FLRT2: variants seen among roughly 807,000 people sequenced by gnomAD.
FLRT2 encodes the protein fibronectin leucine rich transmembrane protein 2.
FLRT2 carries 15 observed loss-of-function variants against 40.0 expected under a neutral mutation model. The ratio of observed to expected loss-of-function variants is 0.38; its 90% CI spans 0.25 to 0.58. The LOEUF is 0.58. FLRT2 is among the 20% of genes least tolerant of loss of function. The pLI is 0.71. For synonymous variants in FLRT2, 380 were observed against 336.8 expected (o/e 1.13, Z -1.41); for missense variants, 726 against 840.0 (o/e 0.86, Z 1.68).
At position 85,638,067 on chromosome 14, in the gene FLRT2, T is replaced by G. The variant is rs1035750706; in HGVS notation, c.*14570T>G. 6.6e-6 allele frequency: 1 copy of G among 152,162 alleles called. No individual in the cohort carries two copies. Among genetic ancestry groups the G allele is most frequent in the African/African-American group, 2.4e-5 (1 of 41,424 alleles). 9.4% of individuals were successfully genotyped at this position (152,162 alleles called of 1,614,324 possible). ...GTTTAGTAACCATTATGATGGAAGC[T>G]GGGACTAGGTGACTTATTCTAAATG... On this transcript the variant is annotated 3_prime_UTR_variant, in exon 2 of 2. Transcript: ENST00000330753.
chr14:85,653,373 C>G lies in FLRT2; in HGVS notation c.*29876C>G, dbSNP rs140004029. On this transcript the variant is annotated 3_prime_UTR_variant, in exon 2 of 2. Coordinates refer to ENST00000330753, the MANE Select transcript of FLRT2 (RefSeq NM_013231.6). Reference sequence around the variant, plus strand: ...ATTTGGCTAGTCACACCTGGGTGACCAATATCCGGAGGCTCTACGTCAAGT... The same window carrying G: ...ATTTGGCTAGTCACACCTGGGTGACGAATATCCGGAGGCTCTACGTCAAGT... 6.6e-6 allele frequency: 1 copy of G among 152,046 alleles called. No individual in the cohort carries two copies. The highest frequency in any genetic ancestry group is 1.5e-5 in the Non-Finnish European group (1 of 68,022). 9.4% of individuals were successfully genotyped at this position (152,046 alleles called of 1,614,324 possible). A position where few individuals can be genotyped will look rare whatever the true frequency, so the allele number is the denominator to read the frequency against.
At chr14:85,584,190 C>T (rs936277456) in intron 1 of FLRT2, among the ~76,000 whole-genome samples, 1 of 152,140 alleles carries the variant, frequency 6.6e-6, no homozygotes, top group East Asian at 1.9e-4. Context: ...ACTAGGGCTC[C>T]TTAGCTACTT....
chr14:85,586,919 G>A (rs1026393026), intron 1 of FLRT2, among the ~76,000 whole-genome samples: 3 of 152,206 alleles, frequency 2.0e-5, no homozygotes, highest in Admixed American at 1.3e-4. Context: ...AGGTTGACGT[G>A]GAAAGATAAG....
intron 1 of FLRT2, among the ~76,000 whole-genome samples, chr14:85,540,915 TA>T (rs1888949652): frequency 6.6e-6 from 1 of 152,164 alleles, no homozygotes; most frequent in South Asian, 2.1e-4. Flanking sequence ...GGTCTACTAA[TA>T]AAATGAGAAT....
chr14:85,574,381 C>A (rs1274044249), intron 1 of FLRT2, among the ~76,000 whole-genome samples: 5 of 151,988 alleles, frequency 3.3e-5, no homozygotes, highest in African/African-American at 7.2e-5. Flanking sequence ...ATATTCGAAT[C>A]TTGTTTTATC....
intron 1 of FLRT2, among the ~76,000 whole-genome samples, chr14:85,583,275 G>C (rs547699416): frequency 1.3e-5 from 2 of 152,106 alleles, no homozygotes; most frequent in Admixed American, 6.6e-5. Flanking sequence ...GTAATACTTA[G>C]AGAAATAAAG....
Position 85,622,403 on chromosome 14 carries a change from G to A in FLRT2, c.889G>A (p.Asp297Asn). ...QLRMLTQGVFDNLSNLKQLTA... is the reference protein window; with the variant it reads ...QLRMLTQGVFNNLSNLKQLTA... ...GCGGATGCTGACTCAAGGGGTTTTTGATAATCTCTCCAACCTGAAGCAGCT... is the reference window on the plus strand; with the variant it reads ...GCGGATGCTGACTCAAGGGGTTTTTAATAATCTCTCCAACCTGAAGCAGCT... The change falls in exon 2 of 2, where the codon GAT becomes AAT. Residue 297 changes from aspartate (D) to asparagine (N), a missense_variant. Physicochemically the swap from Asp to Asn is conservative, Grantham distance 23 (BLOSUM62 1). Coordinates refer to ENST00000330753, the MANE Select transcript of FLRT2 (RefSeq NM_013231.6). 1 of 1,614,076 alleles carries A rather than the reference G, an allele frequency of 6.2e-7. No homozygotes were observed. Among genetic ancestry groups the A allele is most frequent in the Non-Finnish European group, 8.5e-7 (1 of 1,180,002 alleles).
rs1024507607 is a variant in FLRT2, at chr14:85,652,034, G to A, written c.*28537G>A. Reference sequence around the variant, plus strand: ...GACTCAAAACAACACTAGGAAAATAGCGTAGATCAGATAATTCTCATTAAA... The same window carrying A: ...GACTCAAAACAACACTAGGAAAATAACGTAGATCAGATAATTCTCATTAAA... On this transcript the variant is annotated 3_prime_UTR_variant, in exon 2 of 2. Transcript: ENST00000330753. 6.6e-6 allele frequency: 1 copy of A among 151,980 alleles called. No homozygotes were observed. The highest frequency in any genetic ancestry group is 1.5e-5 in the Non-Finnish European group (1 of 67,944). The allele number at this position is 151,980 out of a possible 1,614,324, so 9.4% of individuals were successfully genotyped here. A position where few individuals can be genotyped will look rare whatever the true frequency, so the allele number is the denominator to read the frequency against.
chr14:85,569,737 A>T (rs1266239404), intron 1 of FLRT2, among the ~76,000 whole-genome samples: 1 of 152,244 alleles, frequency 6.6e-6, no homozygotes, highest in African/African-American at 2.4e-5. Context: ...CTACACAGTG[A>T]TGAGACAATA....
rs552264720 is a variant in FLRT2 at position 85,644,447 on chromosome 14, T to C, written c.*20950T>C. Reference sequence around the variant, plus strand: ...CATACCAGAGGATGTCCCACAGGTCTACAGCTTAATAACATCATGTGACTG... The same window carrying C: ...CATACCAGAGGATGTCCCACAGGTCCACAGCTTAATAACATCATGTGACTG... On this transcript the variant is annotated 3_prime_UTR_variant, in exon 2 of 2. Coordinates refer to ENST00000330753, the MANE Select transcript of FLRT2 (RefSeq NM_013231.6). The C allele has an allele frequency of 2.0e-5, 3 of 152,204 alleles. No individual in the cohort carries two copies. Among genetic ancestry groups the C allele is most frequent in the Non-Finnish European group, 4.4e-5 (3 of 68,044 alleles). 9.4% of individuals were successfully genotyped at this position (152,204 alleles called of 1,614,324 possible).
intron 1 of FLRT2, among the ~76,000 whole-genome samples, chr14:85,567,488 G>C (rs1333175107): frequency 6.6e-6 from 1 of 152,168 alleles, no homozygotes; most frequent in East Asian, 1.9e-4. Context: ...TTCTTCAGGA[G>C]CGTAAGTTTC....
intron 1 of FLRT2, chr14:85,561,025 T>C (rs1331498086): frequency 6.6e-6 from 1 of 152,224 alleles, no homozygotes; most frequent in East Asian, 1.9e-4. Context: ...AATTTTACCT[T>C]GTTAACGGCT....
intron 1 of FLRT2, among the ~76,000 whole-genome samples, chr14:85,586,867 A>G (rs1013798239): frequency 1.3e-5 from 2 of 152,184 alleles, no homozygotes; most frequent in Admixed American, 1.3e-4. Flanking sequence ...CAGTGGGGTC[A>G]TGCTATTTCT....
chr14:85,621,909 T>C lies in FLRT2; in HGVS notation c.395T>C (p.Leu132Pro), dbSNP rs779460062. 1.9e-5 allele frequency: 31 copies of C among 1,603,430 alleles called. No individual in the cohort carries two copies. The highest frequency in any genetic ancestry group is 2.5e-5 in the Non-Finnish European group (29 of 1,174,014). Residue 132 changes from leucine to proline, a missense_variant, in exon 2 of 2, where the codon CTC becomes CCC. This residue lies in a region of FLRT2 where 611 missense variants were observed against 690.0 expected (regional missense o/e 0.89). Coordinates refer to ENST00000330753, the MANE Select transcript of FLRT2 (RefSeq NM_013231.6). ...ATTTCACGGGCTGCTCTTGCCCAGC[T>C]CTTGAAGCTTGAAGAGCTGCACCTG... Reference protein sequence around the residue: ...QTISRAALAQLLKLEELHLDD... With the variant: ...QTISRAALAQPLKLEELHLDD...
chr14:85,568,319 TGA>T (rs1269444599), intron 1 of FLRT2, among the ~76,000 whole-genome samples: 1 of 152,114 alleles, frequency 6.6e-6, no homozygotes, highest in African/African-American at 2.4e-5. Context: ...CTGAATGGGC[TGA>T]GTTTTGCTTT....
In FLRT2 at chr14:85,633,799, CA is replaced by C. The variant is rs34325945; in HGVS notation, c.*10317del. The C allele has an allele frequency of 0.52, 72,502 of 139,212 alleles. 17,938 individuals are homozygous for C. Among genetic ancestry groups the C allele is most frequent in the Non-Finnish European group, 0.55 (35,495 of 64,358 alleles). The allele number at this position is 139,212 out of a possible 1,614,324, so 8.6% of individuals were successfully genotyped here. Reference sequence around the variant, plus strand: ...TAGGCAACTGAGCAAGACCCTGTCTCAAAAAAAAAAAAAAAGTAATAAATTT... The same window carrying C: ...TAGGCAACTGAGCAAGACCCTGTCTCAAAAAAAAAAAAAAGTAATAAATTT... On this transcript the variant is annotated 3_prime_UTR_variant, in exon 2 of 2. Coordinates refer to ENST00000330753, the MANE Select transcript of FLRT2 (RefSeq NM_013231.6).
intron 1 of FLRT2, among the ~76,000 whole-genome samples, chr14:85,541,202 C>G (rs551514557): frequency 3.9e-5 from 6 of 152,016 alleles, no homozygotes; most frequent in Non-Finnish European, 8.8e-5. Context: ...TCTGACTGGC[C>G]TGATCTTCAT....
At chr14:85,614,138 T>C (rs1479095374) in intron 1 of FLRT2, among the ~76,000 whole-genome samples, 1 of 152,182 alleles carries the variant, frequency 6.6e-6, no homozygotes, top group Non-Finnish European at 1.5e-5. Flanking sequence ...CTCCATTTTA[T>C]ATGAATTAAC....
chr14:85,531,507 C>T (rs537442671), intron 1 of FLRT2, among the ~76,000 whole-genome samples: 3 of 152,172 alleles, frequency 2.0e-5, no homozygotes, highest in Admixed American at 1.3e-4. Context: ...GTACTGACAA[C>T]GGGAATGAAG....
Sources: gnomAD v4.1 joint callset for allele counts (sites outside exome capture counted in the v4.1 genomes callset) on GRCh38, gnomAD v4.1.1 for gene constraint, gnomAD v4.1.1 regional missense constraint, MANE v1.5 for transcripts, NCBI Gene and HGNC (gene_info 2026-07-23, HGNC 2026-07-21) for gene names.